WRAP53: variants seen among roughly 807,000 people sequenced by gnomAD.
WRAP53 encodes telomerase Cajal body protein 1.
In WRAP53, 28 loss-of-function variants were observed where a neutral mutation model predicts 56.6. That is an observed-to-expected ratio of 0.50 (90% CI 0.37 to 0.68). WRAP53 has a LOEUF of 0.68. Ranked by LOEUF, WRAP53 falls within the 30% of genes least tolerant of loss-of-function variation. The pLI is 0.00. For synonymous variants in WRAP53, 283 were observed against 283.4 expected (o/e 1.00, Z 0.01); for missense variants, 671 against 715.5 (o/e 0.94, Z 0.71).
At chr17:7,696,290 AT>A (rs35901058) in intron 4 of WRAP53, among the ~76,000 whole-genome samples, 207 of 79,904 alleles carry the variant, frequency 2.6e-3, no homozygotes, top group Non-Finnish European at 3.2e-3. Flanking sequence ...GGACTCAGAG[AT>A]TTTTTTTTTT....
At chr17:7,690,891 G>A (rs1004805308) in intron 4 of WRAP53, among the ~76,000 whole-genome samples, 2 of 151,876 alleles carry the variant, frequency 1.3e-5, no homozygotes, top group Admixed American at 6.6e-5. Context: ...CAGCCTGGGC[G>A]ACAGAGTGAG....
At chr17:7,698,122 G>A (rs896575442) in intron 4 of WRAP53, among the ~76,000 whole-genome samples, 1 of 152,138 alleles carries the variant, frequency 6.6e-6, no homozygotes, top group Non-Finnish European at 1.5e-5. Flanking sequence ...GAGGACATTG[G>A]GACAAGTGCT....
rs903442504 is a variant in WRAP53 at position 7,702,228 on chromosome 17, G to C, written c.956-116G>C. On this transcript the variant is annotated intron_variant, in intron 7 of 10. Transcript: ENST00000396463. The surrounding 1 kb of genome is among the most constrained non-coding windows in gnomAD (Gnocchi z 5.0). ...TTGTCCTGCTTGTGACAGACAGCAT[G>C]GGGGGGATGTTGAGTCCAAGCATGT... 2 of 1,092,388 alleles carry C rather than the reference G, an allele frequency of 1.8e-6. No homozygotes were observed. Among genetic ancestry groups the C allele is most frequent in the Admixed American group, 3.8e-5 (2 of 53,318 alleles). 67.7% of individuals were successfully genotyped at this position (1,092,388 alleles called of 1,614,324 possible). A position where few individuals can be genotyped will look rare whatever the true frequency, so the allele number is the denominator to read the frequency against.
At chr17:7,690,757 C>A (rs569399197) in intron 4 of WRAP53, among the ~76,000 whole-genome samples, 1 of 150,146 alleles carries the variant, frequency 6.7e-6, no homozygotes, top group Admixed American at 6.6e-5. Context: ...ACTAAAAATA[C>A]CAAAATTAGA....
At chr17:7,697,742 TA>T (rs2074205717) in intron 4 of WRAP53, among the ~76,000 whole-genome samples, 1 of 152,054 alleles carries the variant, frequency 6.6e-6, no homozygotes, top group Non-Finnish European at 1.5e-5. Context: ...ATAGAGGAAA[TA>T]TCTAATCTCT....
At position 7,701,736 on chromosome 17, in the gene WRAP53, G is replaced by C; in HGVS notation, c.902G>C (p.Arg301Pro). The C allele has an allele frequency of 1.2e-6, 2 of 1,614,224 alleles. No homozygotes were observed. Among genetic ancestry groups the C allele is most frequent in the Non-Finnish European group, 1.7e-6 (2 of 1,180,042 alleles). ...QLFCGFNRTV[R>P]VFSTARPGRD... ...TTCTGTGGCTTCAACCGGACTGTGC[G>C]TGTTTTTTCCACGGCCCGGCCTGGC... Residue 301 changes from arginine (R) to proline (P), a missense_variant, in exon 7 of 11, where the codon CGT (arginine) becomes CCT (proline). Arg to Pro is a moderately radical substitution (Grantham distance 103). Around this residue, in one of 3 missense-constraint regions of WRAP53, gnomAD observed 406 missense variants for 418.5 expected, o/e 0.97. Transcript: ENST00000396463. The surrounding 1 kb of genome is among the most constrained non-coding windows in gnomAD (Gnocchi z 4.2).
Position 7,701,640 on chromosome 17 carries a change from C to A in WRAP53, c.823-17C>A. 6.2e-7 allele frequency: 1 copy of A among 1,614,186 alleles called. No individual in the cohort carries two copies. The highest frequency in any genetic ancestry group is 8.5e-7 in the Non-Finnish European group (1 of 1,179,976). On this transcript the variant is annotated splice_polypyrimidine_tract_variant and intron_variant, in intron 6 of 10. Transcript: ENST00000396463. The surrounding 1 kb of genome is among the most constrained non-coding windows in gnomAD (Gnocchi z 4.2). ...GAGGCTTTGCAAGACCTGTTTTCAG[C>A]CCTTTCCTTCCCCCAGGATGAGCTG...
At chr17:7,692,216 A>C (rs550868025) in intron 4 of WRAP53, among the ~76,000 whole-genome samples, 1 of 151,106 alleles carries the variant, frequency 6.6e-6, no homozygotes, top group East Asian at 2.0e-4. Context: ...ACGGTGGCTC[A>C]CGCCTGTAAT....
chr17:7,686,789 ACGACTGACAGCCT>A (rs1300586358), upstream of WRAP53: 1 of 152,408 alleles, frequency 6.6e-6, no homozygotes, highest in African/African-American at 2.4e-5. Flanking sequence ...TCTCACTTCC[ACGACTGACAGCCT>A]TCAATTGGAT....
chr17:7,687,896 A>G (rs1002992069), upstream of WRAP53: 17 of 319,926 alleles, frequency 5.3e-5, no homozygotes, highest in African/African-American at 3.0e-4. Flanking sequence ...ATCACACCCT[A>G]ACGTTTTCTC....
Position 7,701,348 on chromosome 17 carries a change from A to T in WRAP53, c.732-111A>T. On this transcript the variant is annotated intron_variant, in intron 5 of 10. Transcript: ENST00000396463. This position sits in a 1 kb window ranked among gnomAD's most constrained non-coding sequence, Gnocchi z 4.2. Reference sequence around the variant, plus strand: ...TCGAACTCCTGACCTCAAGTGATCCACCTGCCTTGGCCTCCCAAAGTGCTG... The same window carrying T: ...TCGAACTCCTGACCTCAAGTGATCCTCCTGCCTTGGCCTCCCAAAGTGCTG... 4 of 1,176,048 alleles carry T rather than the reference A, an allele frequency of 3.4e-6. No homozygotes were observed. Among genetic ancestry groups the T allele is most frequent in the Non-Finnish European group, 5.1e-6 (4 of 784,048 alleles). The allele number at this position is 1,176,048 out of a possible 1,614,324, so 72.9% of individuals were successfully genotyped here. A position where few individuals can be genotyped will look rare whatever the true frequency, so the allele number is the denominator to read the frequency against.
Position 7,702,520 on chromosome 17 carries a change from G to C in WRAP53, c.1132G>C (p.Asp378His). Residue 378 changes from aspartate (D) to histidine (H), a missense_variant, in exon 8 of 11, where the codon GAT (aspartate) becomes CAT (histidine). This residue lies in a region of WRAP53 where 158 missense variants were observed against 215.7 expected (regional missense o/e 0.73). Transcript: ENST00000396463. This position sits in a 1 kb window ranked among gnomAD's most constrained non-coding sequence, Gnocchi z 5.0. ...CATCACCCACCTCTGCTTTCATCCC[G>C]ATGGCAACCGCTTCTTCTCAGGAGC... The part of the protein sequence containing the change: ...GGITHLCFHP[D>H]GNRFFSGARK... 1 of 1,612,252 alleles carries C rather than the reference G, an allele frequency of 6.2e-7. No homozygotes were observed. The highest frequency in any genetic ancestry group is 8.5e-7 in the Non-Finnish European group (1 of 1,179,946).
In WRAP53 at chr17:7,689,071, G is replaced by A; in HGVS notation, c.423G>A (p.Glu141=). The part of the protein sequence containing the change: ...DTSGEPAAED[E]GDTAWNYSFS... The stretch of plus-strand genomic sequence containing the variant: ...CTGGGGAACCCGCTGCAGAGGACGA[G>A]GGAGACACGTAAGTGGTGATGGCAG... The change falls in exon 2 of 11, where the codon GAG becomes GAA. Residue 141 remains glutamate (E), a synonymous_variant. Coordinates refer to ENST00000396463, the MANE Select transcript of WRAP53 (RefSeq NM_001143992.2). The A allele has an allele frequency of 6.2e-7, 1 of 1,614,152 alleles. No individual in the cohort carries two copies. Among genetic ancestry groups the A allele is most frequent in the Non-Finnish European group, 8.5e-7 (1 of 1,179,998 alleles).
At chr17:7,686,711 G>T (rs1386773754), upstream of WRAP53, 1 of 152,284 alleles carries the variant, frequency 6.6e-6, no homozygotes, top group Non-Finnish European at 1.5e-5. Flanking sequence ...AACAATAACA[G>T]GGCTGCCGGG....
Position 7,701,838 on chromosome 17 carries a change from C to T in WRAP53, c.955+49C>T, listed in dbSNP as rs1452097737. On this transcript the variant is annotated intron_variant, in intron 7 of 10. Coordinates refer to ENST00000396463, the MANE Select transcript of WRAP53 (RefSeq NM_001143992.2). The surrounding 1 kb of genome is among the most constrained non-coding windows in gnomAD (Gnocchi z 4.2). ...AGGAGGAGAGGGAAGGGCACTGCCACCTGCACAGGGGCCTTTTGTGAGCCG... is the reference window on the plus strand; with the variant it reads ...AGGAGGAGAGGGAAGGGCACTGCCATCTGCACAGGGGCCTTTTGTGAGCCG... The T allele has an allele frequency of 1.9e-6, 3 of 1,594,976 alleles. No homozygotes were observed. The highest frequency in any genetic ancestry group is 1.3e-5 in the African/African-American group (1 of 74,672).
intron 4 of WRAP53, among the ~76,000 whole-genome samples, chr17:7,694,100 T>C (rs544940036): frequency 3.3e-5 from 5 of 152,212 alleles, no homozygotes; most frequent in African/African-American, 4.8e-5. Flanking sequence ...CTGGCCAATA[T>C]GGTGAAACCC....
At position 7,694,398 on chromosome 17, in the gene WRAP53, G is replaced by A. The variant is rs566400078; in HGVS notation, c.642+4697G>A. On this transcript the variant is annotated intron_variant, in intron 4 of 10. Transcript: ENST00000396463. ...GCTGGGATTACAGGCACGCACCACCGCACCCGGCTAATTTTTGTATTTTTA... is the reference window on the plus strand; with the variant it reads ...GCTGGGATTACAGGCACGCACCACCACACCCGGCTAATTTTTGTATTTTTA... Among the ~76,000 whole-genome samples, 9 of 151,622 alleles carry A rather than the reference G, an allele frequency of 5.9e-5. No individual in the cohort carries two copies. The South Asian group carries it at 6.3e-4, about 11-fold the overall frequency.
intron 4 of WRAP53, among the ~76,000 whole-genome samples, chr17:7,690,940 T>G (rs551989186): frequency 3.4e-5 from 5 of 148,500 alleles, no homozygotes; most frequent in South Asian, 2.1e-4. Flanking sequence ...CTGGGCTCAG[T>G]GGCTCACACC....
chr17:7,698,056 G>A (rs2074209916), intron 4 of WRAP53, among the ~76,000 whole-genome samples: 1 of 152,064 alleles, frequency 6.6e-6, no homozygotes, highest in Non-Finnish European at 1.5e-5. Context: ...TGTAAAACTG[G>A]GGTCTTGCTA....
Sources: gnomAD v4.1 joint callset for allele counts (sites outside exome capture counted in the v4.1 genomes callset) on GRCh38, gnomAD v4.1.1 for gene constraint, gnomAD v4.1.1 regional missense constraint, Gnocchi (gnomAD v3.1) non-coding constraint, MANE v1.5 for transcripts, NCBI Gene and HGNC (gene_info 2026-07-23, HGNC 2026-07-21) for gene names.